FBXL2: variants seen among roughly 807,000 people sequenced by gnomAD.
FBXL2 encodes the protein F-box/LRR-repeat protein 2.
In FBXL2, 38 loss-of-function variants were observed where a neutral mutation model predicts 69.2. The ratio of observed to expected loss-of-function variants is 0.55; its 90% CI spans 0.42 to 0.72. The LOEUF (loss-of-function observed/expected upper bound fraction) is 0.72. Among genes scored for constraint, FBXL2 ranks in the 30% least tolerant of loss-of-function variants. FBXL2 has a pLI of 0.00. For missense variants in FBXL2, 354 were observed against 520.3 expected (o/e 0.68, Z 3.11); for synonymous variants, 192 against 201.3 (o/e 0.95, Z 0.39).
intron 14 of FBXL2, among the ~76,000 whole-genome samples, chr3:33,384,842 C>T (rs2043309807): frequency 6.6e-6 from 1 of 151,990 alleles, no homozygotes; most frequent in Non-Finnish European, 1.5e-5. Context: ...GGTTCGAGAC[C>T]AGCTGACCAA....
rs2043497679 is a variant in FBXL2 at position 33,387,156 on chromosome 3, C to A, written c.*1548C>A. 1 of 151,900 alleles carries A rather than the reference C, an allele frequency of 6.6e-6. No homozygotes were observed. The highest frequency in any genetic ancestry group is 1.5e-5 in the Non-Finnish European group (1 of 67,998). The allele number at this position is 151,900 out of a possible 1,614,324, so 9.4% of individuals were successfully genotyped here. On this transcript the variant is annotated 3_prime_UTR_variant, in exon 15 of 15. Transcript: ENST00000484457. Reference sequence around the variant, plus strand: ...CCTTGGTCTAAAAATTGTGTGGATACCATAGCAGTTAGTTAAATATACATT... The same window carrying A: ...CCTTGGTCTAAAAATTGTGTGGATAACATAGCAGTTAGTTAAATATACATT...
rs190559972 is a variant in FBXL2, at chr3:33,361,307, C to T, written c.195+1950C>T. On this transcript the variant is annotated intron_variant, in intron 4 of 14. Coordinates refer to ENST00000484457, the MANE Select transcript of FBXL2 (RefSeq NM_012157.5). ...TCACTGGAGCCCAGGAGTTCAAGAC[C>T]AGCTTGGGCAACATAGCAAAACTGC... is the stretch of plus-strand genomic sequence containing the variant. Among the ~76,000 whole-genome samples, 151 of 151,894 alleles carry T rather than the reference C, an allele frequency of 9.9e-4. 2 individuals are homozygous for T. The highest frequency in any genetic ancestry group is 8.4e-3 in the Admixed American group (128 of 15,258).
At chr3:33,392,555 C>T, downstream of FBXL2, 1 of 1,607,250 alleles carries the variant, frequency 6.2e-7, no homozygotes, top group Non-Finnish European at 8.5e-7. Flanking sequence ...CACACACATG[C>T]AAAGTACCTT....
At chr3:33,415,742 T>G in the FBXL2 span, among the ~76,000 whole-genome samples, 1 of 151,286 alleles carries the variant, frequency 6.6e-6, no homozygotes, top group East Asian at 1.9e-4. Flanking sequence ...CCTTTTACAC[T>G]GATACATTAA....
At chr3:33,298,760 T>G (rs79840961) in intron 2 of FBXL2, among the ~76,000 whole-genome samples, 3 of 151,154 alleles carry the variant, frequency 2.0e-5, no homozygotes, top group Non-Finnish European at 4.4e-5. Flanking sequence ...TAATTCTTTA[T>G]GAGGAATTAA....
chr3:33,282,939 G>T (rs1030648419), intron 1 of FBXL2, among the ~76,000 whole-genome samples: 1 of 152,234 alleles, frequency 6.6e-6, no homozygotes, highest in African/African-American at 2.4e-5. Flanking sequence ...AGCTTAAGGA[G>T]ATTTTTGGCT....
intron 2 of FBXL2, among the ~76,000 whole-genome samples, chr3:33,311,965 TTTTG>T (rs1474131210): frequency 6.6e-6 from 1 of 152,328 alleles, no homozygotes; most frequent in East Asian, 1.9e-4. Flanking sequence ...GTTGAACTAA[TTTTG>T]TTTATGTATT....
chr3:33,297,934 G>A (rs765783958), intron 2 of FBXL2: 3 of 606,214 alleles, frequency 4.9e-6, no homozygotes, highest in Non-Finnish European at 9.2e-6. Flanking sequence ...TATGTACATA[G>A]CATTGGTCTG....
chr3:33,313,832 C>T (rs1379054034), intron 2 of FBXL2, among the ~76,000 whole-genome samples: 1 of 152,092 alleles, frequency 6.6e-6, no homozygotes, highest in Non-Finnish European at 1.5e-5. Flanking sequence ...GCTTGTTCTC[C>T]AGAAGATATC....
downstream of FBXL2, chr3:33,390,018 G>T: frequency 3.0e-6 from 1 of 331,032 alleles, no homozygotes; most frequent in Non-Finnish European, 5.5e-6. Flanking sequence ...AGTGTAAAAA[G>T]ACAGCAAAGG....
chr3:33,392,715 C>T (rs2043817749), downstream of FBXL2: 2 of 1,093,946 alleles, frequency 1.8e-6, no homozygotes, highest in Non-Finnish European at 2.6e-6. Context: ...AAACACAGGA[C>T]TCAATGGCCA....
At chr3:33,340,982 G>A (rs2039977902) in intron 2 of FBXL2, among the ~76,000 whole-genome samples, 1 of 151,872 alleles carries the variant, frequency 6.6e-6, no homozygotes, top group African/African-American at 2.4e-5. Flanking sequence ...AAGAACAGTG[G>A]ATGAGACTTT....
chr3:33,400,940 G>C, intron 12 of FBXL2: 1 of 1,591,678 alleles, frequency 6.3e-7, no homozygotes, highest in Non-Finnish European at 8.5e-7. Flanking sequence ...GCATCAGATA[G>C]TTTTAGGAGA....
chr3:33,360,918 CTTTTTTTTTTT>C (rs58912118), intron 4 of FBXL2, among the ~76,000 whole-genome samples: 227 of 57,106 alleles, frequency 4.0e-3, no homozygotes, highest in African/African-American at 0.011. Context: ...ACATGAAGAA[CTTTTTTTTTTT>C]TTTTTTTTTT....
At chr3:33,305,297 TATAAG>T (rs756453315) in intron 2 of FBXL2, among the ~76,000 whole-genome samples, 147 of 152,118 alleles carry the variant, frequency 9.7e-4, no homozygotes, top group East Asian at 4.0e-3. Flanking sequence ...TATGTTTATA[TATAAG>T]ATAAGAATAC....
chr3:33,418,528 G>A, the FBXL2 span, among the ~76,000 whole-genome samples: 2 of 151,798 alleles, frequency 1.3e-5, no homozygotes, highest in African/African-American at 2.4e-5. Flanking sequence ...CAAAATGCTG[G>A]GATTACAGGC....
chr3:33,381,561 T>C (rs2043063832), intron 13 of FBXL2, among the ~76,000 whole-genome samples: 1 of 151,866 alleles, frequency 6.6e-6, no homozygotes. Flanking sequence ...GAGGTGGAGG[T>C]TGCGTTGAGC....
intron 2 of FBXL2, among the ~76,000 whole-genome samples, chr3:33,315,298 CTCTCTT>C (rs1407791307): frequency 1.7e-5 from 2 of 120,260 alleles, no homozygotes; most frequent in Admixed American, 9.0e-5. Flanking sequence ...TTCTCTGTTT[CTCTCTT>C]TCTCTTTCTC....
the FBXL2 span, among the ~76,000 whole-genome samples, chr3:33,412,104 T>C: frequency 0.26 from 38,639 of 150,622 alleles, 5,835 homozygotes; most frequent in East Asian, 0.47. Context: ...CAAGAATCAC[T>C]TGAACCCAGG....
Sources: allele counts gnomAD v4.1 joint callset (sites outside exome capture counted in the v4.1 genomes callset), GRCh38; gene constraint gnomAD v4.1.1; transcripts MANE v1.5; gene names NCBI Gene and HGNC (gene_info 2026-07-23, HGNC 2026-07-21).